COL5A1: variants seen among roughly 807,000 people sequenced by gnomAD.
COL5A1 encodes the protein collagen alpha-1(V) chain.
A neutral mutation model predicts 263.7 loss-of-function variants in COL5A1; 16 were observed. The observed-to-expected ratio is 0.06, with a 90% CI of 0.04 to 0.09. COL5A1 has a LOEUF of 0.09. Ranked by LOEUF, COL5A1 falls within the 10% of genes least tolerant of loss-of-function variation. COL5A1 has a pLI of 1.00. For missense variants in COL5A1, 2,036 were observed against 2,540.5 expected (o/e 0.80, Z 4.27); for synonymous variants, 1,012 against 1,004.5 (o/e 1.01, Z -0.14).
chr9:134,835,272 C>T (rs764178662), intron 65 of COL5A1, 68 bp downstream of exon 65: 19 of 1,400,622 alleles, frequency 1.4e-5, no homozygotes, highest in African/African-American at 8.5e-5. Flanking sequence ...TCACTCAGCA[C>T]GGGTTTACCT....
At chr9:134,814,584 A>C (rs569197779) in intron 49 of COL5A1, among the ~76,000 whole-genome samples, 8 of 152,286 alleles carry the variant, frequency 5.3e-5, no homozygotes, top group African/African-American at 1.9e-4. Context: ...AGGGCCCCAG[A>C]AAGTGAAGGC....
intron 1 of COL5A1, among the ~76,000 whole-genome samples, chr9:134,648,292 A>C (rs1408615241): frequency 7.6e-6 from 1 of 131,096 alleles, no homozygotes; most frequent in Non-Finnish European, 1.6e-5. Context: ...AAACTCCTAT[A>C]TATATATATA....
At chr9:134,814,992 G>A in intron 50 of COL5A1, 88 bp downstream of exon 50, 1 of 927,658 alleles carries the variant, frequency 1.1e-6, no homozygotes, top group Non-Finnish European at 1.7e-6. Context: ...GGTGCACTCT[G>A]CTCTGAGAAC....
chr9:134,836,021 T>C (rs1026710703), intron 65 of COL5A1, among the ~76,000 whole-genome samples: 1 of 152,222 alleles, frequency 6.6e-6, no homozygotes, highest in African/African-American at 2.4e-5. Context: ...AATTCCAGCC[T>C]GTGGGTCTTC....
intron 65 of COL5A1, among the ~76,000 whole-genome samples, chr9:134,836,701 T>C (rs1258483162): frequency 6.6e-6 from 1 of 152,214 alleles, no homozygotes; most frequent in Non-Finnish European, 1.5e-5. Flanking sequence ...CCAGCATCGC[T>C]GCGGAGCACC....
intron 20 of COL5A1, among the ~76,000 whole-genome samples, chr9:134,764,766 C>T (rs140199716): frequency 2.3e-3 from 348 of 152,230 alleles, no homozygotes; most frequent in Non-Finnish European, 3.8e-3. Context: ...TCTGATTAGC[C>T]TCTAAGGAGA....
At position 134,758,826 on chromosome 9, in the gene COL5A1, G is replaced by A. The variant is rs919860250; in HGVS notation, c.1935+530G>A. On this transcript the variant is annotated intron_variant, in intron 18 of 65. Transcript: ENST00000371817. This position sits in a 1 kb window ranked among gnomAD's most constrained non-coding sequence, Gnocchi z 4.1. ...TGTGTCCCGTGAGTCCCGAGCTAGT[G>A]CGGTGACCTGGGGGTCTTCCTGGCT... Among the ~76,000 whole-genome samples the A allele has an allele frequency of 6.6e-6, 1 of 152,162 alleles. No homozygotes were observed. The highest frequency in any genetic ancestry group is 1.5e-5 in the Non-Finnish European group (1 of 68,026).
chr9:134,795,037 C>A, intron 32 of COL5A1, 45 bp from the exon 33 acceptor site: 1 of 1,602,320 alleles, frequency 6.2e-7, no homozygotes. Context: ...CTGAGCAGGG[C>A]CGGGCATTTA....
At chr9:134,750,338 C>T (rs1277138468) in intron 11 of COL5A1, among the ~76,000 whole-genome samples, 5 of 152,218 alleles carry the variant, frequency 3.3e-5, no homozygotes, top group African/African-American at 9.6e-5. Flanking sequence ...CCTCCAAAGC[C>T]TTTCCGATCC....
At chr9:134,761,619 G>A (rs1045629964) in intron 18 of COL5A1, among the ~76,000 whole-genome samples, 32 of 152,336 alleles carry the variant, frequency 2.1e-4, no homozygotes, top group African/African-American at 7.7e-4. Context: ...GCTGAGGATA[G>A]CTCAGACCTC....
intron 9 of COL5A1, among the ~76,000 whole-genome samples, chr9:134,733,658 G>A (rs1229007779): frequency 6.6e-6 from 1 of 152,234 alleles, no homozygotes; most frequent in Non-Finnish European, 1.5e-5. Context: ...TCAGGGACCA[G>A]AGCAGCTGTG....
At chr9:134,836,858 C>T (rs1349575368) in intron 65 of COL5A1, among the ~76,000 whole-genome samples, 6 of 152,254 alleles carry the variant, frequency 3.9e-5, no homozygotes, top group South Asian at 2.1e-4. Flanking sequence ...CCTCTCCTCC[C>T]GGCTGCTACT....
At position 134,751,256 on chromosome 9, in the gene COL5A1, G is replaced by A. The variant is rs148932361; in HGVS notation, c.1662+374G>A. 6.4e-3 allele frequency among the ~76,000 whole-genome samples: 975 copies of A among 152,042 alleles called. 4 individuals carry two copies. Among genetic ancestry groups the A allele is most frequent in the Non-Finnish European group, 9.5e-3 (647 of 67,944 alleles). ...TGTCCAGTAGGGACCCCGAGATCAT[G>A]GGGACTGTTTGGGGAGTTTCTCAGC... On this transcript the variant is annotated intron_variant, in intron 13 of 65. Transcript: ENST00000371817.
chr9:134,800,591 A>T (rs1315851229), intron 37 of COL5A1, among the ~76,000 whole-genome samples: 1 of 152,018 alleles, frequency 6.6e-6, no homozygotes, highest in Non-Finnish European at 1.5e-5. Flanking sequence ...CTAAAAATAC[A>T]AAAATTAGCC....
intron 4 of COL5A1, among the ~76,000 whole-genome samples, chr9:134,706,683 G>A (rs1451653511): frequency 6.6e-6 from 1 of 152,206 alleles, no homozygotes; most frequent in Non-Finnish European, 1.5e-5. Flanking sequence ...AGGGATCCCG[G>A]GGACCAGTGG....
At chr9:134,815,097 C>A (rs756582912) in intron 50 of COL5A1, among the ~76,000 whole-genome samples, 193 bp downstream of exon 50, 1 of 152,196 alleles carries the variant, frequency 6.6e-6, no homozygotes, top group Non-Finnish European at 1.5e-5. Context: ...TGAGACAGGG[C>A]GTGGACTGGA....
At chr9:134,832,350 G>A (rs890570766) in intron 64 of COL5A1, among the ~76,000 whole-genome samples, 3 of 152,164 alleles carry the variant, frequency 2.0e-5, no homozygotes, top group Non-Finnish European at 2.9e-5. Flanking sequence ...AGGTTGCAGT[G>A]AGCTGAGATC....
At chr9:134,835,395 C>T (rs941093451) in intron 65 of COL5A1, among the ~76,000 whole-genome samples, 191 bp downstream of exon 65, 6 of 152,212 alleles carry the variant, frequency 3.9e-5, no homozygotes, top group Admixed American at 6.5e-5. Flanking sequence ...GCTGGAGCTC[C>T]GGGAACTTGG....
intron 9 of COL5A1, among the ~76,000 whole-genome samples, chr9:134,733,443 G>A (rs1220142702): frequency 6.6e-6 from 1 of 152,208 alleles, no homozygotes; most frequent in South Asian, 2.1e-4. Flanking sequence ...CCCAACCCAG[G>A]GGTGGGACCT....
Sources: gnomAD v4.1 joint callset for allele counts (sites outside exome capture counted in the v4.1 genomes callset) on GRCh38, gnomAD v4.1.1 for gene constraint, Gnocchi (gnomAD v3.1) non-coding constraint, MANE v1.5 for transcripts, NCBI Gene and HGNC (gene_info 2026-07-23, HGNC 2026-07-21) for gene names.